OTOF: variants seen among roughly 807,000 people sequenced by gnomAD.
OTOF encodes fer-1-like family member 2.
Under a neutral mutation model 236.8 loss-of-function variants are expected in OTOF, and 218 were observed. The observed-to-expected ratio is 0.92, with a 90% CI of 0.82 to 1.03. The LOEUF (loss-of-function observed/expected upper bound fraction) is 1.03, where lower values mean the gene tolerates loss of function less well. OTOF is among the 50% of genes least tolerant of loss of function. The pLI is 0.00. For missense variants in OTOF, 2,590 were observed against 2,694.4 expected, an observed-to-expected ratio of 0.96 and a Z score of 0.86; for synonymous variants, 1,041 against 1,072.5, an observed-to-expected ratio of 0.97 and a Z score of 0.57.
At chr2:26,471,015 G>C in intron 31 of OTOF, 106 bp downstream of exon 31, 1 of 1,417,230 alleles carries the variant, frequency 7.1e-7, no homozygotes, top group Non-Finnish European at 1.0e-6. Context: ...CCAAGCATGC[G>C]GGGGCTGGGG....
At position 26,482,317 on chromosome 2, in the gene OTOF, C is replaced by CGGTG. The variant is rs1665560129; in HGVS notation, c.1579+85_1579+88dup. 3.2e-6 allele frequency: 4 copies of CGGTG among 1,242,396 alleles called. No homozygotes were observed. The Admixed American group carries it at 7.1e-5, about 22-fold the overall frequency. 77.0% of individuals were successfully genotyped at this position (1,242,396 alleles called of 1,614,324 possible). A position where few individuals can be genotyped will look rare whatever the true frequency, so the allele number is the denominator to read the frequency against. On this transcript the variant is annotated intron_variant, in intron 14 of 46. Transcript: ENST00000272371. ...TGAGGCTGAGGACCAGAGCTGATGA[C>CGGTG]GGTGGTGTGAAGAGAGGGCATCTCA...
intron 9 of OTOF, among the ~76,000 whole-genome samples, chr2:26,492,007 C>T (rs1459015968): frequency 2.0e-5 from 3 of 152,198 alleles, no homozygotes. Context: ...AGGTTCCTAC[C>T]AGCTCAGATA....
At chr2:26,486,744 T>C (rs1238614334) in intron 11 of OTOF, among the ~76,000 whole-genome samples, 1 of 152,138 alleles carries the variant, frequency 6.6e-6, no homozygotes, top group East Asian at 1.9e-4. Flanking sequence ...GATGGTGCTG[T>C]GGGGGTCCCT....
intron 8 of OTOF, among the ~76,000 whole-genome samples, 175 bp from the exon 9 acceptor site, chr2:26,495,248 T>C (rs551200789): frequency 1.3e-5 from 2 of 152,092 alleles, no homozygotes; most frequent in South Asian, 4.1e-4. Context: ...TCCTGGCTCT[T>C]TCTCCTTCTA....
At position 26,537,526 on chromosome 2, in the gene OTOF, G is replaced by A. The variant is rs574467240; in HGVS notation, c.138+190C>T. On this transcript the variant is annotated intron_variant, in intron 2 of 46. Transcript: ENST00000272371. ...CTCACCTGTGCAGAGGTTTCTGGGG[G>A]GAACATGGGGGAGGGAGTTCCTGCA... Among the ~76,000 whole-genome samples, 23 of 152,324 alleles carry A rather than the reference G, an allele frequency of 1.5e-4. No individual in the cohort carries two copies. The South Asian group carries it at 4.6e-3, about 30-fold the overall frequency.
At chr2:26,541,032 G>A (rs2148126299) in intron 1 of OTOF, among the ~76,000 whole-genome samples, 1 of 152,310 alleles carries the variant, frequency 6.6e-6, no homozygotes, top group African/African-American at 2.4e-5. Context: ...TTGTGTATGG[G>A]GGCTTCCCCT....
At chr2:26,458,368 T>C (rs951964875) in intron 46 of OTOF, 148 bp from the exon 47 acceptor site, 138 of 840,926 alleles carry the variant, frequency 1.6e-4, no homozygotes, top group Non-Finnish European at 2.3e-5. Context: ...TTTAAACCCA[T>C]TTCTAAGTAC....
chr2:26,463,631 G>C, intron 40 of OTOF, 60 bp from the exon 41 acceptor site: 1 of 1,347,080 alleles, frequency 7.4e-7, no homozygotes, highest in Non-Finnish European at 1.0e-6. Flanking sequence ...AGGAAGATCA[G>C]CTCTCCTCTC....
rs373489911 is a variant in OTOF, at chr2:26,465,999, G to C, written c.4578C>G (p.Ile1526Met). 5.2e-5 allele frequency: 84 copies of C among 1,614,136 alleles called. No homozygotes were observed. The highest frequency in any genetic ancestry group is 6.9e-5 in the Non-Finnish European group (81 of 1,180,052). ...TGGAGATGTAGTTCTCCTTGTCGCG[G>C]ATGTCAGTCTTGCCTAGCCGGATGG... Reference protein sequence around the residue: ...YIAIRLGKTDIRDKENYISKQ... With the variant: ...YIAIRLGKTDMRDKENYISKQ... The change falls in exon 37 of 47, where the codon ATC becomes ATG. Residue 1526 changes from isoleucine (I) to methionine (M), a missense_variant. This residue lies in a region of OTOF where 1,211 missense variants were observed against 1,352.8 expected (regional missense o/e 0.90). Transcript: ENST00000272371.
intron 33 of OTOF, among the ~76,000 whole-genome samples, 153 bp downstream of exon 33, chr2:26,468,255 G>T (rs1664825409): frequency 6.6e-6 from 1 of 152,228 alleles, no homozygotes; most frequent in Non-Finnish European, 1.5e-5. Flanking sequence ...AGCCTGCCCA[G>T]TACTGCCCAT....
At position 26,472,586 on chromosome 2, in the gene OTOF, T is replaced by C; in HGVS notation, c.3797A>G (p.Glu1266Gly). Residue 1266 changes from glutamate to glycine, a missense_variant, in exon 30 of 47, where the codon GAG becomes GGG. By Grantham distance (98) the Glu-to-Gly change is moderately conservative. Coordinates refer to ENST00000272371, the MANE Select transcript of OTOF (RefSeq NM_194248.3). Reference sequence around the variant, plus strand: ...CTCTGGCTCCATAGTCACCACAACCTCCCCTGTGGAGTGAGAGGAGGAGCC... The same window carrying C: ...CTCTGGCTCCATAGTCACCACAACCCCCCCTGTGGAGTGAGAGGAGGAGCC... ...NGGSSSHSTGEVVVTMEPEVP... is the reference protein window; with the variant it reads ...NGGSSSHSTGGVVVTMEPEVP... 2 of 1,613,102 alleles carry C rather than the reference T, an allele frequency of 1.2e-6. No individual in the cohort carries two copies. The highest frequency in any genetic ancestry group is 1.7e-6 in the Non-Finnish European group (2 of 1,179,906).
chr2:26,510,654 C>T, intron 5 of OTOF: 1 of 1,205,072 alleles, frequency 8.3e-7, no homozygotes, highest in Non-Finnish European at 1.1e-6. Context: ...GGGAGGAGGC[C>T]TCTGTCTCCC....
chr2:26,465,716 G>C lies in OTOF; in HGVS notation c.4755C>G (p.Tyr1585Ter). 6.2e-7 allele frequency: 1 copy of C among 1,614,288 alleles called. No homozygotes were observed. Among genetic ancestry groups the C allele is most frequent in the Non-Finnish European group, 8.5e-7 (1 of 1,180,050 alleles). Reference protein sequence around the residue: ...ETKIDLENRFYSKHRATCGIA... With the variant: ...ETKIDLENRF ...TGCCGCAGGTGGCGCGGTGCTTGCT[G>C]TAGAAGCGGTTCTCCAGGTCGATCT... Residue 1585 changes from tyrosine (Y) to a stop codon, truncating the protein, a stop_gained, in exon 38 of 47, where the codon TAC becomes TAG. Coordinates refer to ENST00000272371, the MANE Select transcript of OTOF (RefSeq NM_194248.3). LOFTEE classifies it high-confidence loss of function.
intron 3 of OTOF, among the ~76,000 whole-genome samples, chr2:26,526,018 C>T (rs756085121): frequency 1.7e-4 from 23 of 137,034 alleles, no homozygotes; most frequent in Admixed American, 2.4e-4. Context: ...ACCAGAGAGG[C>T]GGAGGTTGCA....
chr2:26,482,373 G>GC (rs1275235539), intron 14 of OTOF, 33 bp downstream of exon 14: 1 of 1,602,326 alleles, frequency 6.2e-7, no homozygotes. Context: ...CACTCCCTCT[G>GC]CCCCCCAGCA....
At chr2:26,467,594 A>G in intron 33 of OTOF, 93 bp from the exon 34 acceptor site, 1 of 1,405,246 alleles carries the variant, frequency 7.1e-7, no homozygotes, top group Non-Finnish European at 9.8e-7. Flanking sequence ...TTGCTTTACT[A>G]ACTTAACTCT....
chr2:26,472,940 C>T (rs1379060053), intron 29 of OTOF, among the ~76,000 whole-genome samples, 192 bp downstream of exon 29: 1 of 152,232 alleles, frequency 6.6e-6, no homozygotes, highest in East Asian at 1.9e-4. Context: ...GTCTCCAGTT[C>T]TGCCCTCTCT....
chr2:26,526,179 A>G (rs544086973), intron 3 of OTOF, among the ~76,000 whole-genome samples: 5 of 150,576 alleles, frequency 3.3e-5, no homozygotes, highest in Admixed American at 2.6e-4. Flanking sequence ...AAAGGATGAA[A>G]GGGTAAGTGG....
At position 26,477,471 on chromosome 2, in the gene OTOF, T is replaced by A. The variant is rs764390787; in HGVS notation, c.2351A>T (p.His784Leu). The A allele has an allele frequency of 6.2e-7, 1 of 1,603,470 alleles. No homozygotes were observed. Among genetic ancestry groups the A allele is most frequent in the Non-Finnish European group, 8.5e-7 (1 of 1,175,910 alleles). The change falls in exon 20 of 47, where the codon CAC becomes CTC. Residue 784 changes from histidine to leucine, a missense_variant. By Grantham distance (99) the His-to-Leu change is moderately conservative (BLOSUM62 -3). Coordinates refer to ENST00000272371, the MANE Select transcript of OTOF (RefSeq NM_194248.3). The surrounding 1 kb of genome is among the most constrained non-coding windows in gnomAD (Gnocchi z 4.7). ...CCGGTCAAGCCTGGTGCGGGATGAG[T>A]GGCCCTGGTCCTTGTCAGCGAGGGA... ...FLSLADKDQG[H>L]SSRTRLDRER...
Sources: allele counts gnomAD v4.1 joint callset (sites outside exome capture counted in the v4.1 genomes callset), GRCh38; gene constraint gnomAD v4.1.1; regional missense constraint gnomAD v4.1.1; non-coding constraint Gnocchi (gnomAD v3.1); transcripts MANE v1.5; gene names NCBI Gene and HGNC (gene_info 2026-07-23, HGNC 2026-07-21).